Variants in RALA observed in about 807,000 individuals in gnomAD.
RALA encodes RAS like proto-oncogene A.
In RALA, 5 loss-of-function variants were observed where a neutral mutation model predicts 24.0. The ratio of observed to expected loss-of-function variants is 0.21; its 90% CI spans 0.11 to 0.44. The LOEUF (loss-of-function observed/expected upper bound fraction) is 0.44. RALA is among the 20% of genes least tolerant of loss of function. The pLI is 0.99. For synonymous variants in RALA, 77 were observed against 83.8 expected (o/e 0.92, Z 0.44); for missense variants, 95 against 241.2 (o/e 0.39, Z 4.01).
At chr7:39,699,846 G>A (rs1039461232) in intron 4 of RALA, among the ~76,000 whole-genome samples, 2 of 152,108 alleles carry the variant, frequency 1.3e-5, no homozygotes, top group African/African-American at 4.8e-5. Flanking sequence ...CCATATTCAT[G>A]GACACTTGGC....
chr7:39,682,157 G>C (rs990028132), intron 1 of RALA, among the ~76,000 whole-genome samples: 14 of 152,234 alleles, frequency 9.2e-5, no homozygotes, highest in African/African-American at 4.8e-5. Flanking sequence ...TATCGCCTAG[G>C]ATTGTAAATA....
At chr7:39,695,215 G>GAT (rs1415532587) in intron 3 of RALA, among the ~76,000 whole-genome samples, 4 of 152,082 alleles carry the variant, frequency 2.6e-5, no homozygotes, top group Non-Finnish European at 5.9e-5. Context: ...ACTCCTTATG[G>GAT]ATACCGACAT....
chr7:39,659,626 C>T (rs1218990118), intron 1 of RALA, among the ~76,000 whole-genome samples: 1 of 152,144 alleles, frequency 6.6e-6, no homozygotes, highest in African/African-American at 2.4e-5. Flanking sequence ...GCATCTGTCT[C>T]CCTTCACTGC....
chr7:39,686,231 A>G lies in RALA; in HGVS notation c.-37-400A>G, dbSNP rs561421482. ...AAAAAAAAAAAAAAAAAAGGAAGAAACATCTCTTTAATTATTGCCAATATA... is the reference window on the plus strand; with the variant it reads ...AAAAAAAAAAAAAAAAAAGGAAGAAGCATCTCTTTAATTATTGCCAATATA... On this transcript the variant is annotated intron_variant, in intron 1 of 4. Coordinates refer to ENST00000005257, the MANE Select transcript of RALA (RefSeq NM_005402.4). Among the ~76,000 whole-genome samples the G allele has an allele frequency of 3.3e-5, 5 of 152,114 alleles. No homozygotes were observed. The East Asian group carries it at 7.7e-4, about 23-fold the overall frequency.
rs545315478 is a variant in RALA at position 39,675,284 on chromosome 7, G to A, written c.-37-11347G>A. 3.1e-4 allele frequency among the ~76,000 whole-genome samples: 47 copies of A among 152,300 alleles called. No individual in the cohort carries two copies. The East Asian group carries it at 8.9e-3, about 29-fold the overall frequency. On this transcript the variant is annotated intron_variant, in intron 1 of 4. Coordinates refer to ENST00000005257, the MANE Select transcript of RALA (RefSeq NM_005402.4). ...TGAATAAACTGTATTGGGCACTTGC[G>A]TTTTGACCACATGAGGTCACATGAG...
At chr7:39,629,104 G>A (rs1791547833) in intron 1 of RALA, among the ~76,000 whole-genome samples, 3 of 152,138 alleles carry the variant, frequency 2.0e-5, no homozygotes, top group African/African-American at 4.8e-5. Context: ...TTGTATTGTT[G>A]GAGAGATACA....
chr7:39,691,083 AGAAT>A, intron 3 of RALA, among the ~76,000 whole-genome samples: 1 of 152,212 alleles, frequency 6.6e-6, no homozygotes, highest in East Asian at 1.9e-4. Flanking sequence ...GGGAACCTTC[AGAAT>A]GAATGAATTT....
At chr7:39,655,126 A>G (rs974691361) in intron 1 of RALA, among the ~76,000 whole-genome samples, 12 of 152,188 alleles carry the variant, frequency 7.9e-5, no homozygotes, top group Non-Finnish European at 5.9e-5. Flanking sequence ...TTCTTTCTTT[A>G]CTGAATTGCC....
intron 1 of RALA, among the ~76,000 whole-genome samples, chr7:39,657,824 G>A (rs1792121737): frequency 6.6e-6 from 1 of 152,172 alleles, no homozygotes; most frequent in South Asian, 2.1e-4. Flanking sequence ...TTGAATGTAG[G>A]TGCATGTGTT....
intron 1 of RALA, among the ~76,000 whole-genome samples, chr7:39,667,153 T>C (rs1792298516): frequency 6.6e-6 from 1 of 152,226 alleles, no homozygotes; most frequent in Non-Finnish European, 1.5e-5. Context: ...GAAGTTGGTA[T>C]TGAAAAATAG....
Position 39,630,927 on chromosome 7 carries a change from AT to A in RALA, c.-38+7104del, listed in dbSNP as rs540867529. 1.7e-3 allele frequency among the ~76,000 whole-genome samples: 257 copies of A among 151,436 alleles called. 1 individual carries two copies. The highest frequency in any genetic ancestry group is 6.0e-3 in the African/African-American group (247 of 41,264). ...TCACCCATTATAGCGCTTCCTCTTCATTGTTTTTCTTGCCTTCTTGTATGAA... is the reference window on the plus strand; with the variant it reads ...TCACCCATTATAGCGCTTCCTCTTCATGTTTTTCTTGCCTTCTTGTATGAA... On this transcript the variant is annotated intron_variant, in intron 1 of 4. Transcript: ENST00000005257.
At chr7:39,696,546 C>T (rs1420575500) in intron 3 of RALA, 139 bp from the exon 4 acceptor site, 11 of 645,496 alleles carry the variant, frequency 1.7e-5, no homozygotes, top group Middle Eastern at 4.3e-4. Context: ...AATACTGTAT[C>T]GATATTGGTT....
intron 1 of RALA, among the ~76,000 whole-genome samples, chr7:39,638,620 T>A (rs1029890867): frequency 3.9e-5 from 6 of 152,168 alleles, no homozygotes; most frequent in Admixed American, 2.0e-4. Context: ...ATTTTTTAAA[T>A]TTTTTTGTAG....
chr7:39,705,329 A>C (rs1008815287), intron 4 of RALA, among the ~76,000 whole-genome samples: 7 of 152,212 alleles, frequency 4.6e-5, no homozygotes, highest in African/African-American at 1.7e-4. Context: ...TTTTAATTCT[A>C]TAAGTAAAAA....
At chr7:39,660,669 A>G (rs1310774118) in intron 1 of RALA, among the ~76,000 whole-genome samples, 3 of 152,212 alleles carry the variant, frequency 2.0e-5, no homozygotes, top group Non-Finnish European at 4.4e-5. Context: ...GGTTTGAACC[A>G]CAATAGTTTA....
chr7:39,626,037 A>ATTCCT (rs1469311312), intron 1 of RALA, among the ~76,000 whole-genome samples: 510 of 152,338 alleles, frequency 3.3e-3, no homozygotes, highest in African/African-American at 0.011. Context: ...AATGAGGAAA[A>ATTCCT]AGACTATGAT....
intron 1 of RALA, among the ~76,000 whole-genome samples, chr7:39,628,533 A>G (rs1342568982): frequency 2.0e-5 from 3 of 152,136 alleles, no homozygotes; most frequent in African/African-American, 4.8e-5. Context: ...CTAGGTCAAA[A>G]GAAACACCTA....
rs762530554 is a variant in RALA, at chr7:39,667,495, G to A, written c.-37-19136G>A. Among the ~76,000 whole-genome samples the A allele has an allele frequency of 1.2e-4, 18 of 152,366 alleles. No individual in the cohort carries two copies. In the South Asian group the frequency reaches 1.9e-3, roughly 16 times the overall value. ...ATGGTGCTGATTGATGAAGCAGGGC[G>A]AAGGAAGGGCTACCCAGCATTCCCG... On this transcript the variant is annotated intron_variant, in intron 1 of 4. Coordinates refer to ENST00000005257, the MANE Select transcript of RALA (RefSeq NM_005402.4).
chr7:39,657,119 A>G (rs1366341457), intron 1 of RALA, among the ~76,000 whole-genome samples: 1 of 152,034 alleles, frequency 6.6e-6, no homozygotes, highest in African/African-American at 2.4e-5. Flanking sequence ...GGCACCTGCC[A>G]TCATGCTCAG....
Sources: allele counts gnomAD v4.1 joint callset (sites outside exome capture counted in the v4.1 genomes callset), GRCh38; gene constraint gnomAD v4.1.1; transcripts MANE v1.5; gene names NCBI Gene and HGNC (gene_info 2026-07-23, HGNC 2026-07-21).